SNRPA: variants seen among roughly 807,000 people sequenced by gnomAD.
SNRPA encodes small nuclear ribonucleoprotein polypeptide A.
In SNRPA, 10 loss-of-function variants were observed where a neutral mutation model predicts 24.5. The observed-to-expected ratio is 0.41, with a 90% confidence interval of 0.25 to 0.69. SNRPA has a LOEUF of 0.69. SNRPA is among the 30% of genes least tolerant of loss of function. The pLI, the probability that SNRPA is intolerant of heterozygous loss-of-function variation, is 0.33. For synonymous variants in SNRPA, 165 were observed against 148.4 expected, an observed-to-expected ratio of 1.11 and a Z score of -0.81; for missense variants, 283 against 394.7, an observed-to-expected ratio of 0.72 and a Z score of 2.40.
At chr19:40,763,205 G>A in intron 4 of SNRPA, 131 bp downstream of exon 4, 1 of 667,408 alleles carries the variant, frequency 1.5e-6, no homozygotes, top group Middle Eastern at 3.4e-4. Flanking sequence ...TACTGAATGA[G>A]GAAGTAGCAG....
At chr19:40,756,070 C>T (rs566399421) in intron 1 of SNRPA, among the ~76,000 whole-genome samples, 1 of 152,068 alleles carries the variant, frequency 6.6e-6, no homozygotes, top group Non-Finnish European at 1.5e-5. Context: ...CCCAGGAGTT[C>T]AAGACCAACC....
Position 40,762,902 on chromosome 19 carries a change from G to T in SNRPA, c.428G>T (p.Gly143Val). The change falls in exon 4 of 6, where the codon GGC becomes GTC. Residue 143 changes from glycine to valine, a missense_variant and splice_region_variant. Transcript: ENST00000243563. ...GCACTCTCCTCCCTCTCTCCACAGG[G>T]CATGCCGCCGATGACTCAGGCGCCC... The part of the protein sequence containing the change: ...VVGAVQGPVP[G>V]MPPMTQAPRI... 1 of 1,612,996 alleles carries T rather than the reference G, an allele frequency of 6.2e-7. No homozygotes were observed. Among genetic ancestry groups the T allele is most frequent in the Non-Finnish European group, 8.5e-7 (1 of 1,179,722 alleles).
chr19:40,757,529 G>A, intron 2 of SNRPA, 25 bp downstream of exon 2: 1 of 1,586,090 alleles, frequency 6.3e-7, no homozygotes, highest in East Asian at 2.2e-5. Flanking sequence ...TACGGAGGCT[G>A]TGTGGGTGTG....
In SNRPA at chr19:40,765,176, C is replaced by T; in HGVS notation, c.*9C>T. 1 of 1,510,056 alleles carries T rather than the reference C, an allele frequency of 6.6e-7. No individual in the cohort carries two copies. The highest frequency in any genetic ancestry group is 8.9e-7 in the Non-Finnish European group (1 of 1,125,210). 93.5% of individuals were successfully genotyped at this position (1,510,056 alleles called of 1,614,324 possible). ...CCTTTGCCAAGAAGTAGCACCTTTT[C>T]CCCCCATGCCTGCCCCTTCCCCTGT... On this transcript the variant is annotated 3_prime_UTR_variant, in exon 6 of 6. Coordinates refer to ENST00000243563, the MANE Select transcript of SNRPA (RefSeq NM_004596.5).
chr19:40,764,614 G>T (rs929500898), intron 5 of SNRPA, among the ~76,000 whole-genome samples: 3 of 152,138 alleles, frequency 2.0e-5, no homozygotes, highest in Non-Finnish European at 4.4e-5. Flanking sequence ...ATCACTTGAG[G>T]TCAGGAGTTC....
At chr19:40,763,759 A>G in intron 5 of SNRPA, 84 bp downstream of exon 5, 2 of 1,148,280 alleles carry the variant, frequency 1.7e-6, no homozygotes, top group Non-Finnish European at 2.6e-6. Context: ...GAACTCTGCC[A>G]GCAGAGCTCT....
At chr19:40,763,482 C>A in intron 4 of SNRPA, 105 bp from the exon 5 acceptor site, 1 of 886,344 alleles carries the variant, frequency 1.1e-6, no homozygotes, top group Non-Finnish European at 1.9e-6. Flanking sequence ...GTGGAAGTAC[C>A]AGAGTGAATT....
At chr19:40,763,441 A>C (rs996844381) in intron 4 of SNRPA, 146 bp from the exon 5 acceptor site, 5 of 708,618 alleles carry the variant, frequency 7.1e-6, no homozygotes, top group African/African-American at 1.7e-5. Context: ...GGAGGCAGAC[A>C]GGCAACAGAC....
chr19:40,757,555 G>C (rs564329749), intron 2 of SNRPA, 51 bp downstream of exon 2: 3 of 1,522,882 alleles, frequency 2.0e-6, no homozygotes, highest in Non-Finnish European at 2.7e-6. Flanking sequence ...TGTTATAGGA[G>C]ACTGGGCGGG....
intron 1 of SNRPA, among the ~76,000 whole-genome samples, chr19:40,752,579 C>CAAAAAA (rs59705765): frequency 1.6e-5 from 1 of 61,280 alleles, no homozygotes; most frequent in African/African-American, 6.5e-5. Flanking sequence ...CTTTTCTCTA[C>CAAAAAA]AAAAAAAAAA....
chr19:40,761,452 CTTTTTCTTTTTT>C (rs1266987015), intron 3 of SNRPA, among the ~76,000 whole-genome samples: 5 of 96,398 alleles, frequency 5.2e-5, no homozygotes, highest in African/African-American at 1.3e-4. Flanking sequence ...TTTTCTTTTT[CTTTTTCTTTTTT>C]TTTTTTTTTT....
chr19:40,752,337 C>CA (rs553313438), intron 1 of SNRPA, among the ~76,000 whole-genome samples: 139 of 140,382 alleles, frequency 9.9e-4, no homozygotes, highest in Admixed American at 1.8e-3. Flanking sequence ...AACTCCGTCT[C>CA]AAAAAAAAAA....
chr19:40,757,616 A>G, intron 2 of SNRPA, 112 bp downstream of exon 2: 1 of 1,042,450 alleles, frequency 9.6e-7, no homozygotes, highest in Non-Finnish European at 1.4e-6. Flanking sequence ...GTGAGGCTGG[A>G]CCAGGCTCCC....
intron 1 of SNRPA, among the ~76,000 whole-genome samples, chr19:40,753,511 C>T (rs1366514352): frequency 2.8e-5 from 4 of 142,322 alleles, no homozygotes; most frequent in Admixed American, 2.2e-4. Context: ...ATTCTCCTGC[C>T]TCAGCCTCCC....
chr19:40,754,178 A>G (rs2082898758), intron 1 of SNRPA, among the ~76,000 whole-genome samples: 1 of 146,720 alleles, frequency 6.8e-6, no homozygotes, highest in South Asian at 2.1e-4. Flanking sequence ...ATCTCAGCTC[A>G]CTGCAACCTC....
chr19:40,762,918 T>C lies in SNRPA; in HGVS notation c.444T>C (p.Thr148=). Residue 148 remains threonine (T), a synonymous_variant, in exon 4 of 6, where the codon ACT becomes ACC. Coordinates refer to ENST00000243563, the MANE Select transcript of SNRPA (RefSeq NM_004596.5). ...QGPVPGMPPM[T]QAPRIMHHMP... Reference sequence around the variant, plus strand: ...CTCCACAGGGCATGCCGCCGATGACTCAGGCGCCCCGCATTATGCACCACA... The same window carrying C: ...CTCCACAGGGCATGCCGCCGATGACCCAGGCGCCCCGCATTATGCACCACA... The C allele has an allele frequency of 6.2e-7, 1 of 1,613,742 alleles. No homozygotes were observed. The highest frequency in any genetic ancestry group is 1.1e-5 in the South Asian group (1 of 91,058).
intron 1 of SNRPA, among the ~76,000 whole-genome samples, chr19:40,753,341 A>T: frequency 7.4e-6 from 1 of 134,548 alleles, no homozygotes. Context: ...GGTGATAGAG[A>T]CTGTCTCAAA....
In SNRPA at chr19:40,759,313, G is replaced by A. The variant is rs145904330; in HGVS notation, c.247-118G>A. Reference sequence around the variant, plus strand: ...GATCTGCTCGCTTTAGCCTCCCAAAGGGCTGGGATTACAGGCATGAGCCGC... The same window carrying A: ...GATCTGCTCGCTTTAGCCTCCCAAAAGGCTGGGATTACAGGCATGAGCCGC... On this transcript the variant is annotated intron_variant, in intron 2 of 5. Transcript: ENST00000243563. 2.7e-3 allele frequency: 2,608 copies of A among 964,246 alleles called. 54 individuals carry two copies. The African/African-American group carries it at 0.039, about 15-fold the overall frequency. 59.7% of individuals were successfully genotyped at this position (964,246 alleles called of 1,614,324 possible).
At chr19:40,758,000 T>C (rs916218549) in intron 2 of SNRPA, among the ~76,000 whole-genome samples, 1 of 151,864 alleles carries the variant, frequency 6.6e-6, no homozygotes, top group Non-Finnish European at 1.5e-5. Context: ...AGAATCTTCC[T>C]CTGTTGCCCA....
Sources: allele counts gnomAD v4.1 joint callset (sites outside exome capture counted in the v4.1 genomes callset), GRCh38; gene constraint gnomAD v4.1.1; transcripts MANE v1.5; gene names NCBI Gene and HGNC (gene_info 2026-07-23, HGNC 2026-07-21).